The following CCDC178 variants were observed in gnomAD, a reference collection of about 807,000 sequenced individuals.
CCDC178 encodes coiled-coil domain-containing protein 178.
Under a neutral mutation model 117.4 loss-of-function variants are expected in CCDC178, and 126 were observed. That is an observed-to-expected ratio of 1.07 (90% CI 0.93 to 1.24). The LOEUF (loss-of-function observed/expected upper bound fraction) is 1.24. CCDC178 is among the 50% of genes most tolerant of loss of function. CCDC178 has a pLI of 0.00. For synonymous variants in CCDC178, 283 were observed against 313.4 expected, an observed-to-expected ratio of 0.90 and a Z score of 1.02; for missense variants, 1,030 against 986.9, an observed-to-expected ratio of 1.04 and a Z score of -0.59.
intron 21 of CCDC178, among the ~76,000 whole-genome samples, chr18:33,048,474 G>T (rs938752993): frequency 1.3e-5 from 2 of 152,046 alleles, no homozygotes; most frequent in African/African-American, 2.4e-5. Flanking sequence ...AGTCATTCTT[G>T]AATTTTTTTT....
intron 20 of CCDC178, among the ~76,000 whole-genome samples, chr18:33,160,031 A>G (rs2058444010): frequency 6.6e-6 from 1 of 152,252 alleles, no homozygotes; most frequent in Non-Finnish European, 1.5e-5. Flanking sequence ...GTAAGGATTT[A>G]GAGTTCCTCT....
intron 11 of CCDC178, among the ~76,000 whole-genome samples, chr18:33,308,645 A>G (rs2062292159): frequency 6.6e-6 from 1 of 152,224 alleles, no homozygotes; most frequent in Admixed American, 6.5e-5. Context: ...CCCAAATATC[A>G]TCTTGAATTG....
intron 11 of CCDC178, among the ~76,000 whole-genome samples, chr18:33,313,815 A>G (rs1386076023): frequency 6.6e-6 from 1 of 152,182 alleles, no homozygotes; most frequent in African/African-American, 2.4e-5. Flanking sequence ...AACTGATTTC[A>G]GAGTTAAGCT....
chr18:33,279,807 A>G (rs1350587089), intron 12 of CCDC178, among the ~76,000 whole-genome samples: 1 of 152,200 alleles, frequency 6.6e-6, no homozygotes, highest in Non-Finnish European at 1.5e-5. Context: ...GCTTATCTAC[A>G]ACTATCTGGT....
chr18:33,194,135 T>C (rs1211297936), intron 20 of CCDC178, among the ~76,000 whole-genome samples: 1 of 152,236 alleles, frequency 6.6e-6, no homozygotes, highest in Non-Finnish European at 1.5e-5. Flanking sequence ...ATTCAAACCA[T>C]AGCACTAAGT....
At chr18:33,356,477 C>G (rs757167146) in intron 6 of CCDC178, 131 bp from the exon 7 acceptor site, 196 of 976,700 alleles carry the variant, frequency 2.0e-4, no homozygotes, top group Non-Finnish European at 2.6e-4. Context: ...TACTTATACT[C>G]TCGGTTGTAT....
intron 18 of CCDC178, 107 bp from the exon 19 acceptor site, chr18:33,215,802 GTGGGCCACACCTGA>G: frequency 1.2e-6 from 1 of 831,136 alleles, no homozygotes; most frequent in South Asian, 2.0e-5. Flanking sequence ...AAAGTTAATA[GTGGGCCACACCTGA>G]TGGCTCACTC....
At chr18:33,045,439 T>G (rs2056625988) in intron 21 of CCDC178, among the ~76,000 whole-genome samples, 1 of 152,130 alleles carries the variant, frequency 6.6e-6, no homozygotes, top group Admixed American at 6.6e-5. Flanking sequence ...TTAATAGATA[T>G]TTGCTAACTA....
chr18:33,180,133 A>T (rs953761647), intron 20 of CCDC178, among the ~76,000 whole-genome samples: 5 of 151,818 alleles, frequency 3.3e-5, no homozygotes, highest in African/African-American at 1.2e-4. Context: ...AAAACATCAC[A>T]GTTTCCTACT....
At chr18:33,187,734 A>G (rs2058814045) in intron 20 of CCDC178, among the ~76,000 whole-genome samples, 1 of 152,170 alleles carries the variant, frequency 6.6e-6, no homozygotes, top group Non-Finnish European at 1.5e-5. Flanking sequence ...TTCTGCATTC[A>G]AAGTATTTTC....
At chr18:33,117,365 C>T (rs949222213) in intron 20 of CCDC178, among the ~76,000 whole-genome samples, 3 of 152,000 alleles carry the variant, frequency 2.0e-5, no homozygotes, top group African/African-American at 7.2e-5. Flanking sequence ...ATGGGCTCAG[C>T]AACATTGACT....
chr18:33,118,426 T>C (rs2057889314), intron 20 of CCDC178, among the ~76,000 whole-genome samples: 1 of 152,034 alleles, frequency 6.6e-6, no homozygotes, highest in Non-Finnish European at 1.5e-5. Context: ...ACTGATCCAC[T>C]ACCAAAAGTT....
At chr18:33,399,378 A>T (rs1423862832) in intron 3 of CCDC178, among the ~76,000 whole-genome samples, 1 of 152,088 alleles carries the variant, frequency 6.6e-6, no homozygotes, top group African/African-American at 2.4e-5. Context: ...TCATGGATTA[A>T]CCCTTTTACA....
intron 20 of CCDC178, among the ~76,000 whole-genome samples, chr18:33,095,320 G>T (rs1335862633): frequency 6.6e-6 from 1 of 151,910 alleles, no homozygotes; most frequent in African/African-American, 2.4e-5. Flanking sequence ...ATGAATGTTT[G>T]TTAATAGTTT....
chr18:32,944,133 C>G lies in CCDC178; in HGVS notation c.2524-6042G>C, dbSNP rs538894745. Reference sequence around the variant, plus strand: ...CAGAGCACAAAATATGGTTTGGCCTCAAGGGATGTGGAAATAACTAGTTTA... The same window carrying G: ...CAGAGCACAAAATATGGTTTGGCCTGAAGGGATGTGGAAATAACTAGTTTA... On this transcript the variant is annotated intron_variant, in intron 22 of 22. Transcript: ENST00000383096. Among the ~76,000 whole-genome samples the G allele has an allele frequency of 5.3e-5, 8 of 152,072 alleles. No homozygotes were observed. The South Asian group carries it at 1.7e-3, about 32-fold the overall frequency.
intron 22 of CCDC178, among the ~76,000 whole-genome samples, chr18:32,967,849 T>A (rs1339553589): frequency 2.0e-5 from 3 of 151,574 alleles, no homozygotes; most frequent in African/African-American, 7.3e-5. Flanking sequence ...AATTTTCATA[T>A]ATACTTTTGT....
chr18:33,432,397 G>A (rs1052203101), intron 2 of CCDC178, among the ~76,000 whole-genome samples: 15 of 151,670 alleles, frequency 9.9e-5, no homozygotes, highest in Admixed American at 2.6e-4. Context: ...TTTTCTAAGC[G>A]AACTGTAAGT....
intron 5 of CCDC178, among the ~76,000 whole-genome samples, chr18:33,373,426 T>C (rs1169456900): frequency 6.6e-6 from 1 of 152,162 alleles, no homozygotes; most frequent in Non-Finnish European, 1.5e-5. Flanking sequence ...GCCTGACCAC[T>C]TCCTATAGCT....
intron 20 of CCDC178, among the ~76,000 whole-genome samples, chr18:33,200,131 G>A (rs190148431): frequency 3.3e-5 from 5 of 152,186 alleles, no homozygotes; most frequent in East Asian, 1.9e-4. Context: ...ATCAAATATC[G>A]TTTTTCTGTC....
Sources: gnomAD v4.1 joint callset for allele counts (sites outside exome capture counted in the v4.1 genomes callset) on GRCh38, gnomAD v4.1.1 for gene constraint, MANE v1.5 for transcripts, NCBI Gene and HGNC (gene_info 2026-07-23, HGNC 2026-07-21) for gene names.